Variants in TMEM254 observed in about 807,000 individuals in gnomAD.
The protein encoded by TMEM254 is transmembrane protein 254.
In TMEM254, 16 loss-of-function variants were observed where a neutral mutation model predicts 13.9. The observed-to-expected ratio is 1.15, with a 90% CI of 0.78 to 1.75. The LOEUF is 1.75. Ranked by LOEUF, TMEM254 falls within the 40% of genes most tolerant of loss-of-function variation. The pLI, the probability that TMEM254 is intolerant of heterozygous loss-of-function variation, is 0.00. For missense variants in TMEM254, 155 were observed against 149.0 expected, an observed-to-expected ratio of 1.04 and a Z score of -0.21; for synonymous variants, 61 against 56.4, an observed-to-expected ratio of 1.08 and a Z score of -0.36.
chr10:80,086,335 T>G, intron 3 of TMEM254: 1 of 1,123,678 alleles, frequency 8.9e-7, no homozygotes, highest in Non-Finnish European at 1.2e-6. Flanking sequence ...CTGTGACCCT[T>G]CTGAAGGAGG....
rs2132311335 is a variant in TMEM254 at position 80,092,490 on chromosome 10, C to T, written c.*1573C>T. On this transcript the variant is annotated 3_prime_UTR_variant, in exon 4 of 4. Coordinates refer to ENST00000372281, the MANE Select transcript of TMEM254 (RefSeq NM_025125.4). The stretch of plus-strand genomic sequence containing the variant: ...ATAACAGTAATAGTGGTGCTGGGAA[C>T]AATATGGCAGATTATTGAATGAAAT... 6.6e-6 allele frequency: 1 copy of T among 152,254 alleles called. No homozygotes were observed. The highest frequency in any genetic ancestry group is 1.9e-4 in the East Asian group (1 of 5,184). The allele number at this position is 152,254 out of a possible 1,614,324, so 9.4% of individuals were successfully genotyped here. A position where few individuals can be genotyped will look rare whatever the true frequency, so the allele number is the denominator to read the frequency against.
intron 3 of TMEM254, 61 bp from the exon 4 acceptor site, chr10:80,090,736 T>G: frequency 6.5e-7 from 1 of 1,530,202 alleles, no homozygotes; most frequent in Non-Finnish European, 8.9e-7. Flanking sequence ...TAGAAGACAA[T>G]AACTCCCATG....
chr10:80,078,957 T>C, intron 1 of TMEM254, 171 bp downstream of exon 1: 1 of 1,533,408 alleles, frequency 6.5e-7, no homozygotes, highest in Non-Finnish European at 8.8e-7. Flanking sequence ...AGAGCAAGCA[T>C]ACTGGTCCGC....
At chr10:80,079,819 T>C in intron 1 of TMEM254, 1 of 467,408 alleles carries the variant, frequency 2.1e-6, no homozygotes, top group Non-Finnish European at 2.8e-6. Flanking sequence ...TTCAAGCGAT[T>C]CTCATGTCTT....
At chr10:80,090,330 A>G in intron 3 of TMEM254, 1 of 716,802 alleles carries the variant, frequency 1.4e-6, no homozygotes, top group Non-Finnish European at 2.6e-6. Flanking sequence ...TATCCCATAA[A>G]TCATCTCAAC....
Position 80,081,943 on chromosome 10 carries a change from G to A in TMEM254, c.190G>A (p.Gly64Arg). The A allele has an allele frequency of 6.2e-7, 1 of 1,613,242 alleles. No individual in the cohort carries two copies. The change falls in exon 2 of 4, where the codon GGG becomes AGG. Residue 64 changes from glycine (G) to arginine (R), a missense_variant and splice_region_variant. Coordinates refer to ENST00000372281, the MANE Select transcript of TMEM254 (RefSeq NM_025125.4). Reference protein sequence around the residue: ...VDHHHTLLCNGYWLAWLIHVG... With the variant: ...VDHHHTLLCNRYWLAWLIHVG... Reference sequence around the variant, plus strand: ...CCACCATCACACCCTCCTGTGCAATGGGTAAGGAGAGCTGCACAAGTGGAC... The same window carrying A: ...CCACCATCACACCCTCCTGTGCAATAGGTAAGGAGAGCTGCACAAGTGGAC...
At chr10:80,078,903 C>G (rs1461903941) in intron 1 of TMEM254, 117 bp downstream of exon 1, 12 of 1,524,184 alleles carry the variant, frequency 7.9e-6, no homozygotes, top group Non-Finnish European at 9.8e-6. Flanking sequence ...AATCCCGACT[C>G]CCGCGCGCTA....
intron 3 of TMEM254, among the ~76,000 whole-genome samples, chr10:80,087,831 T>G (rs1844388853): frequency 6.6e-6 from 1 of 152,234 alleles, no homozygotes; most frequent in African/African-American, 2.4e-5. Flanking sequence ...TAGGCACTCC[T>G]TGTTTTTTAT....
At chr10:80,090,480 G>A in intron 3 of TMEM254, 1 of 716,260 alleles carries the variant, frequency 1.4e-6, no homozygotes, top group Admixed American at 2.0e-5. Context: ...CAAAACATTT[G>A]CTCTGAAACC....
chr10:80,085,335 G>A (rs1174580198), intron 3 of TMEM254, among the ~76,000 whole-genome samples: 5 of 151,940 alleles, frequency 3.3e-5, no homozygotes, highest in Admixed American at 2.0e-4. Context: ...TGAGGCAGGC[G>A]GATCACCTGA....
intron 3 of TMEM254, 102 bp from the exon 4 acceptor site, chr10:80,090,695 A>T: frequency 9.4e-7 from 1 of 1,059,916 alleles, no homozygotes; most frequent in Non-Finnish European, 1.3e-6. Flanking sequence ...CAATGAAAGT[A>T]GTGGAAGGTA....
chr10:80,083,133 A>G (rs1403227499), intron 3 of TMEM254, among the ~76,000 whole-genome samples: 1 of 128,790 alleles, frequency 7.8e-6, no homozygotes, highest in Non-Finnish European at 1.6e-5. Context: ...TTGAGAGGGA[A>G]TCTTGCTTTG....
At position 80,090,746 on chromosome 10, in the gene TMEM254, G is replaced by A. The variant is rs1554826287; in HGVS notation, c.252-51G>A. 3 of 1,573,304 alleles carry A rather than the reference G, an allele frequency of 1.9e-6. No homozygotes were observed. The Admixed American group carries it at 5.8e-5, about 30-fold the overall frequency. ...ATATATAGAAGACAATAACTCCCAT[G>A]AAACTGTAAGATTAACATCTCGTGT... is the stretch of plus-strand genomic sequence containing the variant. On this transcript the variant is annotated intron_variant, in intron 3 of 3. Coordinates refer to ENST00000372281, the MANE Select transcript of TMEM254 (RefSeq NM_025125.4).
intron 3 of TMEM254, among the ~76,000 whole-genome samples, chr10:80,088,314 A>G (rs759835432): frequency 3.7e-4 from 57 of 152,194 alleles, no homozygotes; most frequent in Non-Finnish European, 6.5e-4. Flanking sequence ...GCCTTTGCCT[A>G]CACCTTTGCA....
At chr10:80,079,263 G>T (rs1482596706) in intron 1 of TMEM254, 1 of 1,228,080 alleles carries the variant, frequency 8.1e-7, no homozygotes, top group African/African-American at 1.6e-5. Context: ...CTCTGGGAAC[G>T]GGGCCTGTGC....
intron 3 of TMEM254, among the ~76,000 whole-genome samples, chr10:80,089,695 G>A (rs1844483707): frequency 6.6e-6 from 1 of 151,078 alleles, no homozygotes; most frequent in Non-Finnish European, 1.5e-5. Context: ...GTTGGAAAAA[G>A]AATGGATGTT....
intron 3 of TMEM254, among the ~76,000 whole-genome samples, chr10:80,089,589 G>T (rs1306986318): frequency 6.6e-6 from 1 of 152,074 alleles, no homozygotes; most frequent in Non-Finnish European, 1.5e-5. Context: ...AAGGTGGGAG[G>T]ATAGCTTTAG....
intron 3 of TMEM254, chr10:80,090,420 AGGTCACAGCT>A (rs1291714426): frequency 4.2e-6 from 3 of 717,502 alleles, no homozygotes; most frequent in Non-Finnish European, 7.8e-6. Flanking sequence ...TGATTTGCCC[AGGTCACAGCT>A]GGTAGGTAGC....
rs541809875 is a variant in TMEM254 at position 80,091,193 on chromosome 10, T to C, written c.*276T>C. 17 of 302,364 alleles carry C rather than the reference T, an allele frequency of 5.6e-5. No individual in the cohort carries two copies. The Admixed American group carries it at 7.2e-4, about 13-fold the overall frequency. 18.7% of individuals were successfully genotyped at this position (302,364 alleles called of 1,614,324 possible). A position where few individuals can be genotyped will look rare whatever the true frequency, so the allele number is the denominator to read the frequency against. ...CAGCTACCTTCTTACAGTCTTTGGCTGTGTTGGTACCCTCGTGTGCTCTGA... is the reference window on the plus strand; with the variant it reads ...CAGCTACCTTCTTACAGTCTTTGGCCGTGTTGGTACCCTCGTGTGCTCTGA... On this transcript the variant is annotated 3_prime_UTR_variant, in exon 4 of 4. Coordinates refer to ENST00000372281, the MANE Select transcript of TMEM254 (RefSeq NM_025125.4).
Sources: allele counts gnomAD v4.1 joint callset (sites outside exome capture counted in the v4.1 genomes callset), GRCh38; gene constraint gnomAD v4.1.1; transcripts MANE v1.5; gene names NCBI Gene and HGNC (gene_info 2026-07-23, HGNC 2026-07-21).